The following SIPA1L2 variants were observed in gnomAD, a reference collection of about 807,000 sequenced individuals.
The protein encoded by SIPA1L2 is signal induced proliferation associated 1 like 2, also known as signal-induced proliferation-associated 1-like protein 2.
SIPA1L2 carries 56 observed loss-of-function variants against 163.9 expected under a neutral mutation model. That is an observed-to-expected ratio of 0.34 (90% CI 0.28 to 0.43). The LOEUF (loss-of-function observed/expected upper bound fraction) is 0.43, where lower values mean the gene tolerates loss of function less well. Among genes scored for constraint, SIPA1L2 ranks in the 20% least tolerant of loss-of-function variants. The pLI is 1.00. For missense variants in SIPA1L2, 1,974 were observed against 2,193.5 expected, an observed-to-expected ratio of 0.90 and a Z score of 2.00; for synonymous variants, 877 against 865.7, an observed-to-expected ratio of 1.01 and a Z score of -0.23.
At chr1:232,572,760 T>C (rs199693418) in intron 2 of SIPA1L2, among the ~76,000 whole-genome samples, 28,770 of 80,654 alleles carry the variant, frequency 0.36, 5,662 homozygotes, top group African/African-American at 0.61. Flanking sequence ...TATATATATA[T>C]ATATATATAT....
chr1:232,447,514 C>A (rs577369417), intron 10 of SIPA1L2, among the ~76,000 whole-genome samples: 2 of 152,354 alleles, frequency 1.3e-5, no homozygotes, highest in Non-Finnish European at 2.9e-5. Flanking sequence ...GTGTGCTCTG[C>A]ACAGATGCCC....
intron 1 of SIPA1L2, among the ~76,000 whole-genome samples, chr1:232,611,369 T>C (rs1367141038): frequency 2.0e-5 from 3 of 152,066 alleles, no homozygotes; most frequent in Non-Finnish European, 4.4e-5. Flanking sequence ...GTTACTTTAG[T>C]AGGTAACAGG....
chr1:232,459,037 G>GA (rs1664083563), intron 10 of SIPA1L2, among the ~76,000 whole-genome samples: 2 of 152,138 alleles, frequency 1.3e-5, no homozygotes, highest in Admixed American at 6.5e-5. Context: ...GCAAATACAG[G>GA]AAACAAGGCC....
intron 22 of SIPA1L2, 53 bp from the exon 23 acceptor site, chr1:232,399,326 C>A: frequency 6.4e-7 from 1 of 1,567,992 alleles, no homozygotes; most frequent in Admixed American, 1.7e-5. Flanking sequence ...TACATTCATT[C>A]CTCCTAAGCT....
chr1:232,429,752 A>G (rs1662117163), intron 16 of SIPA1L2, among the ~76,000 whole-genome samples: 1 of 152,230 alleles, frequency 6.6e-6, no homozygotes, highest in South Asian at 2.1e-4. Flanking sequence ...CCACATAAGG[A>G]AAACAAAACA....
intron 2 of SIPA1L2, among the ~76,000 whole-genome samples, chr1:232,572,734 CATACATATATATATATATATAT>C (rs1659832766): frequency 1.3e-4 from 9 of 67,338 alleles, no homozygotes; most frequent in African/African-American, 4.2e-4. Flanking sequence ...TATATACATA[CATACATATATATATATATATAT>C]ATATATATAT....
At chr1:232,448,157 T>A (rs1479909171) in intron 10 of SIPA1L2, among the ~76,000 whole-genome samples, 8 of 152,208 alleles carry the variant, frequency 5.3e-5, no homozygotes, top group Admixed American at 5.2e-4. Context: ...GCCTAAAATA[T>A]ATGATTTAAG....
intron 1 of SIPA1L2, among the ~76,000 whole-genome samples, chr1:232,577,923 G>C (rs1660164625): frequency 6.6e-6 from 1 of 152,162 alleles, no homozygotes; most frequent in Non-Finnish European, 1.5e-5. Flanking sequence ...CTCCAGTCTT[G>C]AAGTTCTACT....
chr1:232,606,628 T>C lies in SIPA1L2; in HGVS notation c.-319+23241A>G, dbSNP rs996432588. On this transcript the variant is annotated intron_variant, in intron 1 of 22. Transcript: ENST00000674635. ...AATGAATTATATTATTCATTTATTATATATACTATATAATTTATAATATAT... is the reference window on the plus strand; with the variant it reads ...AATGAATTATATTATTCATTTATTACATATACTATATAATTTATAATATAT... 2.0e-5 allele frequency among the ~76,000 whole-genome samples: 3 copies of C among 148,672 alleles called. No individual in the cohort carries two copies. The Admixed American group carries it at 2.0e-4, about 10-fold the overall frequency.
chr1:232,481,750 T>G (rs757788915), intron 6 of SIPA1L2, among the ~76,000 whole-genome samples: 6 of 152,216 alleles, frequency 3.9e-5, no homozygotes, highest in Non-Finnish European at 5.9e-5. Flanking sequence ...CAGAGCACCT[T>G]AGTGGCTCAA....
intron 3 of SIPA1L2, among the ~76,000 whole-genome samples, chr1:232,508,407 G>A (rs112297746): frequency 5.1e-4 from 78 of 152,290 alleles, no homozygotes; most frequent in African/African-American, 1.7e-3. Flanking sequence ...GTCACCAAGC[G>A]GGGGAGACCT....
At chr1:232,609,239 TTTG>T (rs1662117755) in intron 1 of SIPA1L2, among the ~76,000 whole-genome samples, 1 of 152,186 alleles carries the variant, frequency 6.6e-6, no homozygotes, top group Non-Finnish European at 1.5e-5. Context: ...CAGAATCCGT[TTTG>T]TTCATCAAAT....
chr1:232,522,829 T>A (rs180928184), intron 2 of SIPA1L2, among the ~76,000 whole-genome samples: 1 of 152,284 alleles, frequency 6.6e-6, no homozygotes, highest in East Asian at 1.9e-4. Context: ...TGATTTGAAA[T>A]TAAGCAAATG....
chr1:232,584,087 G>A (rs899046492), intron 1 of SIPA1L2, among the ~76,000 whole-genome samples: 4 of 151,346 alleles, frequency 2.6e-5, no homozygotes, highest in Non-Finnish European at 5.9e-5. Flanking sequence ...TAGATCATAA[G>A]ATGCCCATTC....
At chr1:232,523,992 T>C (rs1023343753) in intron 2 of SIPA1L2, among the ~76,000 whole-genome samples, 1 of 152,170 alleles carries the variant, frequency 6.6e-6, no homozygotes, top group Non-Finnish European at 1.5e-5. Context: ...TAGCAGCAAA[T>C]ACACAACAAA....
intron 19 of SIPA1L2, among the ~76,000 whole-genome samples, chr1:232,405,016 C>A (rs1221789409): frequency 6.6e-6 from 1 of 152,186 alleles, no homozygotes; most frequent in African/African-American, 2.4e-5. Flanking sequence ...TAATTTACCC[C>A]ACTCTGCCTC....
At chr1:232,462,263 C>T (rs772276570) in intron 9 of SIPA1L2, 2 of 1,550,770 alleles carry the variant, frequency 1.3e-6, no homozygotes, top group Admixed American at 2.0e-5. Flanking sequence ...TATGACCTCA[C>T]CTATCTGTGG....
intron 22 of SIPA1L2, 74 bp from the exon 23 acceptor site, chr1:232,399,347 A>C: frequency 6.7e-7 from 1 of 1,497,932 alleles, no homozygotes. Context: ...GGGCTACGAG[A>C]ATCTTTGATT....
At position 232,428,555 on chromosome 1, in the gene SIPA1L2, A is replaced by T. The variant is rs777378457; in HGVS notation, c.4266T>A (p.Ser1422Arg). 2 of 1,564,970 alleles carry T rather than the reference A, an allele frequency of 1.3e-6. No homozygotes were observed. Among genetic ancestry groups the T allele is most frequent in the Admixed American group, 4.0e-5 (2 of 49,916 alleles). ...PEVTECPGMYSEMDVMSTATQ... is the reference protein window; with the variant it reads ...PEVTECPGMYREMDVMSTATQ... The stretch of plus-strand genomic sequence containing the variant: ...TTGCTGTGGACATGACATCCATCTC[A>T]CTATACATCCTGTTGAAAACAATCA... The change falls in exon 17 of 23, where the codon AGT becomes AGA. Residue 1422 changes from serine to arginine, a missense_variant. Physicochemically the swap from Ser to Arg is moderately radical, Grantham distance 110 (BLOSUM62 -1). Around this residue, in one of 3 missense-constraint regions of SIPA1L2, gnomAD observed 1,079 missense variants for 1,150.7 expected, o/e 0.94. Transcript: ENST00000674635.
Sources: allele counts gnomAD v4.1 joint callset (sites outside exome capture counted in the v4.1 genomes callset), GRCh38; gene constraint gnomAD v4.1.1; regional missense constraint gnomAD v4.1.1; transcripts MANE v1.5; gene names NCBI Gene and HGNC (gene_info 2026-07-23, HGNC 2026-07-21).